Variants in AGL observed in about 807,000 individuals in gnomAD.
AGL encodes amylo-alpha-1,6-glucosidase and 4-alpha-glucanotransferase.
Under a neutral mutation model 199.3 loss-of-function variants are expected in AGL, and 128 were observed. The ratio of observed to expected loss-of-function variants is 0.64; its 90% confidence interval spans 0.56 to 0.74. AGL has a LOEUF of 0.74. Among genes scored for constraint, AGL ranks in the 30% least tolerant of loss-of-function variants. AGL has a pLI of 0.00. For missense variants in AGL, 1,809 were observed against 1,820.8 expected (o/e 0.99, Z 0.12); for synonymous variants, 584 against 594.7 (o/e 0.98, Z 0.26).
In AGL at chr1:99,923,805, C is replaced by G. The variant is rs1655673166; in HGVS notation, c.*2154C>G. On this transcript the variant is annotated 3_prime_UTR_variant, in exon 34 of 34. Coordinates refer to ENST00000361915, the MANE Select transcript of AGL (RefSeq NM_000642.3). ...TTCACTAATCAAAATCAAAATTACT[C>G]TTTAACATGATAAATGAATTTACCA... The G allele has an allele frequency of 6.6e-6, 1 of 152,076 alleles. No homozygotes were observed. Among genetic ancestry groups the G allele is most frequent in the South Asian group, 2.1e-4 (1 of 4,834 alleles). The allele number at this position is 152,076 out of a possible 1,614,324, so 9.4% of individuals were successfully genotyped here.
Position 99,921,590 on chromosome 1 carries a change from T to C in AGL, c.4538T>C (p.Phe1513Ser). ...LTNENAQYCP[F>S]SCETQAWSIA... Reference sequence around the variant, plus strand: ...AATGAGAATGCCCAGTACTGTCCTTTCAGCTGTGAAACACAAGCCTGGTCA... The same window carrying C: ...AATGAGAATGCCCAGTACTGTCCTTCCAGCTGTGAAACACAAGCCTGGTCA... The change falls in exon 34 of 34, where the codon TTC (phenylalanine) becomes TCC (serine). Residue 1513 changes from phenylalanine to serine, a missense_variant. Transcript: ENST00000361915. The C allele has an allele frequency of 6.2e-7, 1 of 1,613,212 alleles. No homozygotes were observed. The highest frequency in any genetic ancestry group is 8.5e-7 in the Non-Finnish European group (1 of 1,179,480).
At chr1:99,908,701 G>A (rs535523979) in intron 27 of AGL, among the ~76,000 whole-genome samples, 76 of 152,100 alleles carry the variant, frequency 5.0e-4, no homozygotes, top group Middle Eastern at 3.4e-3. Context: ...GTAGTTTTTC[G>A]TGTTTTCCTA....
At position 99,888,083 on chromosome 1, in the gene AGL, A is replaced by G; in HGVS notation, c.2787A>G (p.Ser929=). 1 of 1,613,392 alleles carries G rather than the reference A, an allele frequency of 6.2e-7. No homozygotes were observed. The highest frequency in any genetic ancestry group is 8.5e-7 in the Non-Finnish European group (1 of 1,179,594). The change falls in exon 21 of 34, where the codon TCA becomes TCG. Residue 929 remains serine (S), a synonymous_variant. Transcript: ENST00000361915. The part of the protein sequence containing the change: ...GGGCYDIPNW[S]ALKYAGLQGL... Reference sequence around the variant, plus strand: ...GGTGCTATGACATACCAAACTGGTCAGCCCTTAAATATGCAGGTCTTCAAG... The same window carrying G: ...GGTGCTATGACATACCAAACTGGTCGGCCCTTAAATATGCAGGTCTTCAAG...
At chr1:99,905,259 C>G (rs2100832471) in intron 27 of AGL, among the ~76,000 whole-genome samples, 1 of 152,234 alleles carries the variant, frequency 6.6e-6, no homozygotes, top group South Asian at 2.1e-4. Flanking sequence ...TGCAGTGGCG[C>G]AATCTCAGCT....
chr1:99,900,980 G>A, intron 26 of AGL, 119 bp downstream of exon 26: 1 of 993,368 alleles, frequency 1.0e-6, no homozygotes, highest in Non-Finnish European at 1.5e-6. Flanking sequence ...TTATTCAAAT[G>A]TCAGTATTGA....
chr1:99,898,014 T>C, intron 25 of AGL, among the ~76,000 whole-genome samples: 1 of 152,172 alleles, frequency 6.6e-6, no homozygotes, highest in East Asian at 1.9e-4. Context: ...CTATCACCTG[T>C]TTTGTATGGC....
intron 17 of AGL, among the ~76,000 whole-genome samples, chr1:99,883,169 G>A (rs1208795446): frequency 6.6e-6 from 1 of 152,012 alleles, no homozygotes; most frequent in Admixed American, 6.5e-5. Context: ...TATACAGTAA[G>A]GATAATTGTT....
At chr1:99,899,534 CTCTCTCTT>C (rs1364834893) in intron 25 of AGL, among the ~76,000 whole-genome samples, 4 of 150,298 alleles carry the variant, frequency 2.7e-5, no homozygotes, top group Non-Finnish European at 4.4e-5. Flanking sequence ...CTCTCTTTCT[CTCTCTCTT>C]TCTCTCTCTC....
chr1:99,873,102 A>G (rs1222875704), intron 7 of AGL, among the ~76,000 whole-genome samples: 1 of 152,118 alleles, frequency 6.6e-6, no homozygotes. Flanking sequence ...CATGCTTAGA[A>G]AAGACCTTCC....
chr1:99,916,769 T>G (rs1557794405), intron 33 of AGL, 38 bp downstream of exon 33: 1 of 1,594,844 alleles, frequency 6.3e-7, no homozygotes, highest in Non-Finnish European at 8.6e-7. Context: ...ATAACTAGTG[T>G]TTAGTCAGTT....
rs939755813 is a variant in AGL at position 99,880,565 on chromosome 1, A to G, written c.1736-67A>G. On this transcript the variant is annotated intron_variant, in intron 13 of 33. Transcript: ENST00000361915. ...CTTTATTTTGAAAATCATTTATGAGAAGAAATCTAACCTCTTCCTGGACAT... is the reference window on the plus strand; with the variant it reads ...CTTTATTTTGAAAATCATTTATGAGGAGAAATCTAACCTCTTCCTGGACAT... 1.2e-5 allele frequency: 18 copies of G among 1,530,742 alleles called. No homozygotes were observed. In the Admixed American group the frequency reaches 2.4e-4, roughly 20 times the overall value. 94.8% of individuals were successfully genotyped at this position (1,530,742 alleles called of 1,614,324 possible).
intron 29 of AGL, 42 bp from the exon 30 acceptor site, chr1:99,913,485 T>A (rs543563894): frequency 6.8e-7 from 1 of 1,480,928 alleles, no homozygotes; most frequent in Admixed American, 1.7e-5. Context: ...GTGTGAATTG[T>A]TTTGAATGAT....
At chr1:99,871,009 A>T in intron 7 of AGL, 140 bp downstream of exon 7, 1 of 638,976 alleles carries the variant, frequency 1.6e-6, no homozygotes, top group South Asian at 1.9e-5. Flanking sequence ...TAAAACTGTG[A>T]TTCTGTAAGC....
rs189180846 is a variant in AGL at position 99,910,849 on chromosome 1, T to C, written c.3836+2T>C. On this transcript the variant is annotated splice_donor_variant, in intron 28 of 33. Coordinates refer to ENST00000361915, the MANE Select transcript of AGL (RefSeq NM_000642.3). LOFTEE classifies it high-confidence loss of function. ...CAGAGGAATCCCAGCCACACCAAGG[T>C]AGTGTAAATGTTATAATGCTGTGTA... The C allele has an allele frequency of 1.2e-6, 2 of 1,612,046 alleles. No individual in the cohort carries two copies. Among genetic ancestry groups the C allele is most frequent in the Non-Finnish European group, 1.7e-6 (2 of 1,178,680 alleles).
chr1:99,905,992 A>G (rs939381825), intron 27 of AGL, among the ~76,000 whole-genome samples: 1 of 152,122 alleles, frequency 6.6e-6, no homozygotes, highest in East Asian at 1.9e-4. Context: ...ATGTATATTT[A>G]CCATTTTACC....
At chr1:99,899,200 A>G (rs922908186) in intron 25 of AGL, among the ~76,000 whole-genome samples, 3 of 152,206 alleles carry the variant, frequency 2.0e-5, no homozygotes, top group African/African-American at 7.2e-5. Context: ...ATTACTGTTG[A>G]AAAGATGGGC....
chr1:99,855,755 C>T (rs925005862), intron 2 of AGL, among the ~76,000 whole-genome samples: 1 of 151,542 alleles, frequency 6.6e-6, no homozygotes, highest in Non-Finnish European at 1.5e-5. Flanking sequence ...GAGCCAAGAT[C>T]ACACCACTGT....
chr1:99,872,959 G>A (rs886908558), intron 7 of AGL, among the ~76,000 whole-genome samples: 1 of 151,360 alleles, frequency 6.6e-6, no homozygotes, highest in Middle Eastern at 3.4e-3. Flanking sequence ...TTTTTATATC[G>A]ACATTATTGA....
intron 12 of AGL, 101 bp downstream of exon 12, chr1:99,877,929 T>TCCAACTAGCAAAA: frequency 8.9e-7 from 1 of 1,128,576 alleles, no homozygotes; most frequent in Non-Finnish European, 1.3e-6. Flanking sequence ...TTTTGCTAGT[T>TCCAACTAGCAAAA]GGACACAAGC....
Sources: gnomAD v4.1 joint callset for allele counts (sites outside exome capture counted in the v4.1 genomes callset) on GRCh38, gnomAD v4.1.1 for gene constraint, MANE v1.5 for transcripts, NCBI Gene and HGNC (gene_info 2026-07-23, HGNC 2026-07-21) for gene names.